C10orf90: variants seen among roughly 807,000 people sequenced by gnomAD.
C10orf90 encodes the protein chromosome 10 open reading frame 90, also known as (E2-independent) E3 ubiquitin-conjugating enzyme FATS.
Under a neutral mutation model 62.5 loss-of-function variants are expected in C10orf90, and 56 were observed. The ratio of observed to expected loss-of-function variants is 0.90; its 90% CI spans 0.72 to 1.12. The LOEUF (loss-of-function observed/expected upper bound fraction) is 1.12. C10orf90 is among the 50% of genes most tolerant of loss of function. The probability of loss-of-function intolerance (pLI) is 0.00; values close to 1 mark genes in which losing one functional copy is unlikely to be tolerated. For missense variants in C10orf90, 970 were observed against 880.4 expected, an observed-to-expected ratio of 1.10 and a Z score of -1.29; for synonymous variants, 386 against 340.4, an observed-to-expected ratio of 1.13 and a Z score of -1.47.
intron 4 of C10orf90, among the ~76,000 whole-genome samples, chr10:126,492,412 T>C (rs1226416899): frequency 1.3e-5 from 2 of 152,232 alleles, no homozygotes; most frequent in Non-Finnish European, 2.9e-5. Flanking sequence ...ACTGTGGTTA[T>C]GTAAGATGTA....
At chr10:126,514,961 T>C (rs1233708595) in intron 2 of C10orf90, among the ~76,000 whole-genome samples, 2 of 152,206 alleles carry the variant, frequency 1.3e-5, no homozygotes, top group African/African-American at 4.8e-5. Context: ...GGGAAGGTGA[T>C]TTTTCAAGGG....
intron 2 of C10orf90, among the ~76,000 whole-genome samples, chr10:126,590,983 G>C (rs1844967035): frequency 6.6e-6 from 1 of 152,020 alleles, no homozygotes; most frequent in Admixed American, 6.6e-5. Flanking sequence ...ACCCTCCCAA[G>C]ACTGAACCAG....
chr10:126,501,147 C>T (rs1363472520), intron 4 of C10orf90, among the ~76,000 whole-genome samples: 2 of 152,190 alleles, frequency 1.3e-5, no homozygotes, highest in Non-Finnish European at 2.9e-5. Context: ...TTTTAATGAG[C>T]ACTGCTGCAG....
chr10:126,523,231 G>A (rs1333552937), intron 2 of C10orf90, among the ~76,000 whole-genome samples: 3 of 152,176 alleles, frequency 2.0e-5, no homozygotes, highest in Non-Finnish European at 4.4e-5. Context: ...TGCTTTCCCT[G>A]TGGCTGGAGT....
At chr10:126,503,485 A>G (rs1410269182) in intron 4 of C10orf90, among the ~76,000 whole-genome samples, 4 of 152,176 alleles carry the variant, frequency 2.6e-5, no homozygotes, top group African/African-American at 7.2e-5. Context: ...TACACGCTCC[A>G]TTATGAAGCT....
chr10:126,627,998 AAAGAGC>A (rs1339208269), intron 2 of C10orf90, among the ~76,000 whole-genome samples: 1 of 152,220 alleles, frequency 6.6e-6, no homozygotes, highest in Non-Finnish European at 1.5e-5. Flanking sequence ...TTTAATCTCG[AAAGAGC>A]AAGTGTCTCT....
chr10:126,603,423 C>T (rs1845240864), intron 2 of C10orf90, among the ~76,000 whole-genome samples: 2 of 152,164 alleles, frequency 1.3e-5, no homozygotes, highest in Admixed American at 1.3e-4. Context: ...AATTACCTCC[C>T]ACCAGGTCCC....
At chr10:126,449,412 A>G (rs537224621) in intron 7 of C10orf90, among the ~76,000 whole-genome samples, 8 of 152,308 alleles carry the variant, frequency 5.3e-5, no homozygotes, top group African/African-American at 1.9e-4. Flanking sequence ...CATATATAAT[A>G]AGCCCACAGC....
At chr10:126,507,683 T>A (rs1862836523) in intron 3 of C10orf90, among the ~76,000 whole-genome samples, 1 of 152,068 alleles carries the variant, frequency 6.6e-6, no homozygotes, top group African/African-American at 2.4e-5. Flanking sequence ...AGCCCAGGGT[T>A]CATCAGTCAC....
chr10:126,598,144 T>C (rs1406455396), intron 2 of C10orf90, among the ~76,000 whole-genome samples: 1 of 152,186 alleles, frequency 6.6e-6, no homozygotes, highest in Non-Finnish European at 1.5e-5. Context: ...CTGCAAACTG[T>C]CCTAGGGATC....
At chr10:126,478,894 T>C (rs1287229742) in intron 4 of C10orf90, among the ~76,000 whole-genome samples, 1 of 152,126 alleles carries the variant, frequency 6.6e-6, no homozygotes, top group East Asian at 1.9e-4. Context: ...CAGTGAACTT[T>C]AAATGCAAAA....
chr10:126,432,613 C>A (rs1006093526), intron 7 of C10orf90, among the ~76,000 whole-genome samples: 1 of 152,214 alleles, frequency 6.6e-6, no homozygotes, highest in African/African-American at 2.4e-5. Flanking sequence ...AAAGAGCCAA[C>A]TGTGGGAGGA....
intron 2 of C10orf90, among the ~76,000 whole-genome samples, chr10:126,596,047 A>G (rs1057493889): frequency 2.6e-5 from 4 of 151,864 alleles, no homozygotes; most frequent in Admixed American, 6.6e-5. Flanking sequence ...ACCTTGGGGT[A>G]GGCACCGATT....
chr10:126,447,325 A>T lies in C10orf90; in HGVS notation c.2188+11715T>A, dbSNP rs542297265. On this transcript the variant is annotated intron_variant, in intron 7 of 9. Transcript: ENST00000488181. ...AGCTTTAAGGACATAAATAGACAAA[A>T]AGTGAAGGGATAGAAAGGATATTCC... 4.6e-5 allele frequency among the ~76,000 whole-genome samples: 7 copies of T among 152,230 alleles called. No homozygotes were observed. In the East Asian group the frequency reaches 1.4e-3, roughly 29 times the overall value.
At chr10:126,607,658 G>A (rs1845341995) in intron 2 of C10orf90, among the ~76,000 whole-genome samples, 1 of 152,068 alleles carries the variant, frequency 6.6e-6, no homozygotes, top group Non-Finnish European at 1.5e-5. Context: ...AAAATAAAAT[G>A]TACCAATATT....
rs189283328 is a variant in C10orf90 at position 126,603,412 on chromosome 10, C to A, written c.313+43153G>T. Among the ~76,000 whole-genome samples the A allele has an allele frequency of 7.2e-4, 110 of 152,244 alleles. 1 individual carries two copies. Among genetic ancestry groups the A allele is most frequent in the African/African-American group, 2.6e-3 (108 of 41,546 alleles). On this transcript the variant is annotated intron_variant, in intron 2 of 9. Transcript: ENST00000488181. Reference sequence around the variant, plus strand: ...CATGGGGGTAACCGCCCCCATGATTCAATTACCTCCCACCAGGTCCCTCCC... The same window carrying A: ...CATGGGGGTAACCGCCCCCATGATTAAATTACCTCCCACCAGGTCCCTCCC...
chr10:126,562,321 T>C (rs1330110695), intron 2 of C10orf90, among the ~76,000 whole-genome samples: 1 of 152,050 alleles, frequency 6.6e-6, no homozygotes, highest in East Asian at 1.9e-4. Flanking sequence ...GGAAGCCAAG[T>C]CCAAAGGCTG....
At chr10:126,546,952 C>A (rs1488524181) in intron 2 of C10orf90, among the ~76,000 whole-genome samples, 2 of 152,086 alleles carry the variant, frequency 1.3e-5, no homozygotes, top group African/African-American at 4.8e-5. Context: ...CGGCAAAACC[C>A]CAACTCTACT....
At chr10:126,572,694 C>T (rs1844531529) in intron 2 of C10orf90, among the ~76,000 whole-genome samples, 2 of 152,104 alleles carry the variant, frequency 1.3e-5, no homozygotes, top group South Asian at 2.1e-4. Flanking sequence ...TCCCGACCTC[C>T]TATCTCATCC....
Sources: allele counts gnomAD v4.1 joint callset (sites outside exome capture counted in the v4.1 genomes callset), GRCh38; gene constraint gnomAD v4.1.1; transcripts MANE v1.5; gene names NCBI Gene and HGNC (gene_info 2026-07-23, HGNC 2026-07-21).